ASTN1: variants seen among roughly 807,000 people sequenced by gnomAD.
ASTN1 encodes the protein astrotactin-1.
A neutral mutation model predicts 140.7 loss-of-function variants in ASTN1; 41 were observed. The observed-to-expected ratio is 0.29, with a 90% CI of 0.23 to 0.38. The LOEUF is 0.38. Among genes scored for constraint, ASTN1 ranks in the 10% least tolerant of loss-of-function variants. The pLI, the probability that ASTN1 is intolerant of heterozygous loss-of-function variation, is 1.00. For missense variants in ASTN1, 1,479 were observed against 1,678.8 expected, an observed-to-expected ratio of 0.88 and a Z score of 2.08; for synonymous variants, 640 against 652.2, an observed-to-expected ratio of 0.98 and a Z score of 0.29.
chr1:176,859,720 G>T (rs987663985), downstream of ASTN1, among the ~76,000 whole-genome samples: 1 of 152,188 alleles, frequency 6.6e-6, no homozygotes, highest in African/African-American at 2.4e-5. Context: ...GGAGGTGGAG[G>T]TTGCAGTGAG....
chr1:176,949,407 T>A, intron 11 of ASTN1, 56 bp from the exon 12 acceptor site: 1 of 1,556,340 alleles, frequency 6.4e-7, no homozygotes, highest in South Asian at 1.2e-5. Flanking sequence ...CTGAGTTCTC[T>A]GGGAACTGAG....
chr1:177,039,997 A>C (rs747901048), intron 2 of ASTN1, among the ~76,000 whole-genome samples: 21 of 152,186 alleles, frequency 1.4e-4, no homozygotes, highest in Non-Finnish European at 2.5e-4. Flanking sequence ...ATGTCATGAA[A>C]ATTGTGTTAA....
At chr1:177,070,789 G>T (rs1330268986) in intron 1 of ASTN1, among the ~76,000 whole-genome samples, 1 of 152,116 alleles carries the variant, frequency 6.6e-6, no homozygotes, top group Non-Finnish European at 1.5e-5. Flanking sequence ...GGGAATCTTA[G>T]GTCTCCTGGT....
At chr1:176,877,634 T>C (rs964527810) in intron 20 of ASTN1, among the ~76,000 whole-genome samples, 21 of 152,202 alleles carry the variant, frequency 1.4e-4, no homozygotes, top group African/African-American at 4.8e-4. Context: ...GAAAAGGGAA[T>C]CTGAACACAA....
intron 16 of ASTN1, among the ~76,000 whole-genome samples, chr1:176,900,979 C>T (rs1278853520): frequency 3.9e-5 from 6 of 152,154 alleles, no homozygotes; most frequent in Non-Finnish European, 8.8e-5. Context: ...CATTAAATGA[C>T]TACAAGTGTT....
At chr1:176,979,036 G>C (rs1673488854) in intron 8 of ASTN1, among the ~76,000 whole-genome samples, 1 of 152,164 alleles carries the variant, frequency 6.6e-6, no homozygotes, top group South Asian at 2.1e-4. Context: ...CTGTTAAAGG[G>C]AGTTCGTGAA....
chr1:176,985,391 C>T (rs227999), intron 8 of ASTN1, among the ~76,000 whole-genome samples: 24,692 of 151,828 alleles, frequency 0.16, 2,093 homozygotes, highest in East Asian at 0.19. Context: ...TCCCCTCTTA[C>T]GAGTCCTCAA....
chr1:177,061,949 C>T (rs1678118923), intron 1 of ASTN1, among the ~76,000 whole-genome samples: 1 of 152,196 alleles, frequency 6.6e-6, no homozygotes. Context: ...CACAGACACA[C>T]TCACTTGATT....
At chr1:176,907,000 A>G (rs1044539300) in intron 16 of ASTN1, among the ~76,000 whole-genome samples, 1 of 152,216 alleles carries the variant, frequency 6.6e-6, no homozygotes, top group African/African-American at 2.4e-5. Flanking sequence ...GACTAGCACA[A>G]GTATTCATGT....
intron 1 of ASTN1, among the ~76,000 whole-genome samples, chr1:177,115,376 T>C (rs115381459): frequency 0.012 from 1,853 of 152,236 alleles, 20 homozygotes; most frequent in Middle Eastern, 0.027. Context: ...TTTAAATAAT[T>C]TTATAATCAT....
chr1:177,163,091 A>G (rs1348333303), intron 1 of ASTN1, among the ~76,000 whole-genome samples: 2 of 152,180 alleles, frequency 1.3e-5, no homozygotes, highest in Admixed American at 6.5e-5. Context: ...GACATCTCCT[A>G]TGAAGGAAGA....
chr1:177,069,921 A>G (rs943439996), intron 1 of ASTN1, among the ~76,000 whole-genome samples: 1 of 152,034 alleles, frequency 6.6e-6, no homozygotes, highest in Non-Finnish European at 1.5e-5. Context: ...CTGCAAATAC[A>G]CTGGTAAAAG....
intron 8 of ASTN1, among the ~76,000 whole-genome samples, chr1:176,969,876 T>C (rs1004807501): frequency 1.3e-5 from 2 of 152,212 alleles, no homozygotes; most frequent in African/African-American, 2.4e-5. Context: ...TGTCGTCCCA[T>C]GTGGGCAGCT....
intron 1 of ASTN1, among the ~76,000 whole-genome samples, chr1:177,134,230 T>C (rs1438028782): frequency 1.3e-5 from 2 of 152,202 alleles, no homozygotes; most frequent in Non-Finnish European, 2.9e-5. Flanking sequence ...TGAGTTACAT[T>C]TTCATTTCAC....
intron 16 of ASTN1, among the ~76,000 whole-genome samples, chr1:176,900,951 AT>A (rs1669742414): frequency 6.6e-6 from 1 of 152,240 alleles, no homozygotes; most frequent in African/African-American, 2.4e-5. Context: ...GTATTCAACA[AT>A]TCATTAAACA....
chr1:176,864,882 A>G (rs1668079386), intron 22 of ASTN1, among the ~76,000 whole-genome samples: 1 of 152,242 alleles, frequency 6.6e-6, no homozygotes, highest in Non-Finnish European at 1.5e-5. Context: ...ATCATCACTA[A>G]ATGACAAATA....
At chr1:177,016,513 G>A (rs574226854) in intron 7 of ASTN1, among the ~76,000 whole-genome samples, 4 of 152,116 alleles carry the variant, frequency 2.6e-5, no homozygotes, top group South Asian at 2.1e-4. Flanking sequence ...GATGGTTGAC[G>A]ATAAGGTTTG....
chr1:176,887,761 T>C (rs1404718086), intron 18 of ASTN1, among the ~76,000 whole-genome samples: 1 of 152,056 alleles, frequency 6.6e-6, no homozygotes, highest in Admixed American at 6.6e-5. Flanking sequence ...AGTTATGCTG[T>C]CCTACTTTCT....
In ASTN1 at chr1:176,997,248, A is replaced by T. The variant is rs570738340; in HGVS notation, c.1523+17543T>A. Among the ~76,000 whole-genome samples, 5 of 152,274 alleles carry T rather than the reference A, an allele frequency of 3.3e-5. No homozygotes were observed. The East Asian group carries it at 9.7e-4, about 29-fold the overall frequency. On this transcript the variant is annotated intron_variant, in intron 8 of 22. Coordinates refer to ENST00000361833, the MANE Select transcript of ASTN1 (RefSeq NM_004319.3). ...ATCCAATGAAGCAGGTACTATTGTG[A>T]TCCCTAGTTCACAGGGGAGGATGTT...
Sources: gnomAD v4.1 joint callset for allele counts (sites outside exome capture counted in the v4.1 genomes callset) on GRCh38, gnomAD v4.1.1 for gene constraint, MANE v1.5 for transcripts, NCBI Gene and HGNC (gene_info 2026-07-23, HGNC 2026-07-21) for gene names.